The following ADAMTS16 variants were observed in gnomAD, a reference collection of about 807,000 sequenced individuals.
ADAMTS16 encodes ADAM metallopeptidase with thrombospondin type 1 motif 16, also known as A disintegrin and metalloproteinase with thrombospondin motifs 16.
In ADAMTS16, 94 loss-of-function variants were observed where a neutral mutation model predicts 145.8. That is an observed-to-expected ratio of 0.64 (90% confidence interval 0.55 to 0.77). The LOEUF (loss-of-function observed/expected upper bound fraction) is 0.77, where lower values mean the gene tolerates loss of function less well. ADAMTS16 is among the 30% of genes least tolerant of loss of function. The probability of loss-of-function intolerance (pLI) is 0.00; values close to 1 mark genes in which losing one functional copy is unlikely to be tolerated. For missense variants in ADAMTS16, 1,585 were observed against 1,591.5 expected, an observed-to-expected ratio of 1.00 and a Z score of 0.07; for synonymous variants, 659 against 604.3, an observed-to-expected ratio of 1.09 and a Z score of -1.33.
At chr5:5,147,898 C>A (rs1734345967) in intron 3 of ADAMTS16, among the ~76,000 whole-genome samples, 1 of 152,190 alleles carries the variant, frequency 6.6e-6, no homozygotes, top group South Asian at 2.1e-4. Flanking sequence ...AGCAAGGATG[C>A]AAGCTCCCTG....
chr5:5,287,598 ATG>A (rs1739149905), intron 18 of ADAMTS16, among the ~76,000 whole-genome samples: 2 of 152,188 alleles, frequency 1.3e-5, no homozygotes, highest in South Asian at 4.1e-4. Flanking sequence ...GGATCCAATG[ATG>A]TGACCAAGAT....
chr5:5,230,558 G>A (rs139938301), intron 11 of ADAMTS16, among the ~76,000 whole-genome samples: 2 of 152,300 alleles, frequency 1.3e-5, no homozygotes, highest in East Asian at 3.9e-4. Flanking sequence ...GACTGGACGT[G>A]AGTTATTAAA....
At position 5,140,389 on chromosome 5, in the gene ADAMTS16, G is replaced by T. The variant is rs912071955; in HGVS notation, c.-79G>T. ...GGGGAATCCTCCCGCGCTCTGCCTGGGTCGGGTCCTCCCTGCCCGCTCGCA... is the reference window on the plus strand; with the variant it reads ...GGGGAATCCTCCCGCGCTCTGCCTGTGTCGGGTCCTCCCTGCCCGCTCGCA... On this transcript the variant is annotated 5_prime_UTR_variant, in exon 1 of 23. Transcript: ENST00000274181. 3 of 1,385,524 alleles carry T rather than the reference G, an allele frequency of 2.2e-6. No homozygotes were observed. The Admixed American group carries it at 8.3e-5, about 39-fold the overall frequency. 85.8% of individuals were successfully genotyped at this position (1,385,524 alleles called of 1,614,324 possible).
chr5:5,257,744 G>C (rs1304201601), intron 17 of ADAMTS16, among the ~76,000 whole-genome samples: 1 of 152,144 alleles, frequency 6.6e-6, no homozygotes, highest in Non-Finnish European at 1.5e-5. Flanking sequence ...CTACAATTCA[G>C]TTCAGTTCTG....
chr5:5,232,267 T>G, intron 11 of ADAMTS16, 101 bp from the exon 12 acceptor site: 1 of 1,385,302 alleles, frequency 7.2e-7, no homozygotes. Context: ...GTCTGCATAG[T>G]TTACAAAATT....
intron 3 of ADAMTS16, among the ~76,000 whole-genome samples, chr5:5,180,162 A>C (rs1046072162): frequency 6.6e-6 from 1 of 152,176 alleles, no homozygotes; most frequent in South Asian, 2.1e-4. Context: ...ATCAGAGGCA[A>C]ATTTAGAATG....
chr5:5,319,400 A>G lies in ADAMTS16; in HGVS notation c.*262A>G, dbSNP rs1734193253. ...ACAGAGCTGTGGCTCGTGAGGCAGA[A>G]GGCAGGCACCACAACGGGAGAGGCA... On this transcript the variant is annotated 3_prime_UTR_variant, in exon 23 of 23. Coordinates refer to ENST00000274181, the MANE Select transcript of ADAMTS16 (RefSeq NM_139056.4). 1 of 487,856 alleles carries G rather than the reference A, an allele frequency of 2.0e-6. No individual in the cohort carries two copies. Among genetic ancestry groups the G allele is most frequent in the Non-Finnish European group, 3.7e-6 (1 of 269,272 alleles). The allele number at this position is 487,856 out of a possible 1,614,324, so 30.2% of individuals were successfully genotyped here.
chr5:5,161,288 G>C (rs1165375081), intron 3 of ADAMTS16, among the ~76,000 whole-genome samples: 1 of 152,144 alleles, frequency 6.6e-6, no homozygotes, highest in Non-Finnish European at 1.5e-5. Flanking sequence ...CTCTAAAATG[G>C]ATTAGAGTTG....
chr5:5,316,421 C>T (rs564377747), intron 21 of ADAMTS16, among the ~76,000 whole-genome samples: 14 of 152,300 alleles, frequency 9.2e-5, no homozygotes, highest in East Asian at 1.9e-4. Context: ...ACCCTAGCCT[C>T]GTTTGAGCAC....
chr5:5,305,189 C>T (rs1740033826), intron 20 of ADAMTS16, among the ~76,000 whole-genome samples: 1 of 90,668 alleles, frequency 1.1e-5, no homozygotes, highest in African/African-American at 4.4e-5. Flanking sequence ...ACACATCCCA[C>T]ACCAAACACA....
Position 5,268,766 on chromosome 5 carries a change from C to T in ADAMTS16, c.2789+5983C>T, listed in dbSNP as rs1473310922. Among the ~76,000 whole-genome samples, 5 of 152,234 alleles carry T rather than the reference C, an allele frequency of 3.3e-5. No homozygotes were observed. In the East Asian group the frequency reaches 7.7e-4, roughly 23 times the overall value. On this transcript the variant is annotated intron_variant, in intron 18 of 22. Transcript: ENST00000274181. ...TCCATGCTAAGCCCTCAAGAGGCAGCTGCTCCTTCCTCTTTCTCTGCCCAC... is the reference window on the plus strand; with the variant it reads ...TCCATGCTAAGCCCTCAAGAGGCAGTTGCTCCTTCCTCTTTCTCTGCCCAC...
intron 17 of ADAMTS16, among the ~76,000 whole-genome samples, chr5:5,252,344 T>C (rs568684211): frequency 8.4e-5 from 1 of 11,860 alleles, no homozygotes; most frequent in South Asian, 5.9e-3. Context: ...GAGAAAATGA[T>C]TGCCCTGGGG....
chr5:5,319,699 G>A lies in ADAMTS16; in HGVS notation c.*561G>A, dbSNP rs1734209996. The A allele has an allele frequency of 5.6e-6, 2 of 357,666 alleles. No individual in the cohort carries two copies. Among genetic ancestry groups the A allele is most frequent in the Non-Finnish European group, 1.1e-5 (2 of 184,544 alleles). 22.2% of individuals were successfully genotyped at this position (357,666 alleles called of 1,614,324 possible). A position where few individuals can be genotyped will look rare whatever the true frequency, so the allele number is the denominator to read the frequency against. ...CCCAGCGGCCGAGCATCTCTTACCA[G>A]GAACCTGGAGCCACCGCCGGAGCCA... is the stretch of plus-strand genomic sequence containing the variant. On this transcript the variant is annotated 3_prime_UTR_variant, in exon 23 of 23. Coordinates refer to ENST00000274181, the MANE Select transcript of ADAMTS16 (RefSeq NM_139056.4).
chr5:5,308,239 T>C (rs1740266847), intron 21 of ADAMTS16, among the ~76,000 whole-genome samples: 1 of 152,176 alleles, frequency 6.6e-6, no homozygotes, highest in Non-Finnish European at 1.5e-5. Context: ...AGAAAAACTT[T>C]CACAGGTCTT....
At chr5:5,188,186 T>C (rs1735562522) in intron 6 of ADAMTS16, among the ~76,000 whole-genome samples, 5 of 152,210 alleles carry the variant, frequency 3.3e-5, no homozygotes, top group Admixed American at 3.3e-4. Flanking sequence ...TAGGAGAGTA[T>C]AAATGTTTTG....
chr5:5,295,890 C>A (rs1414140519), intron 18 of ADAMTS16, among the ~76,000 whole-genome samples: 1 of 152,194 alleles, frequency 6.6e-6, no homozygotes, highest in Non-Finnish European at 1.5e-5. Flanking sequence ...ATGTTTGTAA[C>A]CTGAACAGTT....
intron 17 of ADAMTS16, 38 bp downstream of exon 17, chr5:5,242,229 T>C: frequency 6.2e-7 from 1 of 1,607,782 alleles, no homozygotes; most frequent in Non-Finnish European, 8.5e-7. Context: ...AGGCAGCATG[T>C]CAGCCTTCAG....
chr5:5,158,969 C>G (rs887749799), intron 3 of ADAMTS16, among the ~76,000 whole-genome samples: 4 of 152,234 alleles, frequency 2.6e-5, no homozygotes, highest in Admixed American at 6.5e-5. Context: ...AAAAGTGATA[C>G]AGTGACCATC....
At chr5:5,260,783 T>C (rs1737985692) in intron 17 of ADAMTS16, among the ~76,000 whole-genome samples, 1 of 152,232 alleles carries the variant, frequency 6.6e-6, no homozygotes, top group East Asian at 1.9e-4. Context: ...CCCCAAAATG[T>C]CCAACTGGTT....
Sources: gnomAD v4.1 joint callset for allele counts (sites outside exome capture counted in the v4.1 genomes callset) on GRCh38, gnomAD v4.1.1 for gene constraint, MANE v1.5 for transcripts, NCBI Gene and HGNC (gene_info 2026-07-23, HGNC 2026-07-21) for gene names.